Variants in AP2A1 observed in about 807,000 individuals in gnomAD.
AP2A1 encodes the protein AP-2 complex subunit alpha-1.
In AP2A1, 21 loss-of-function variants were observed where a neutral mutation model predicts 107.3. That is an observed-to-expected ratio of 0.20 (90% confidence interval 0.14 to 0.28). The LOEUF (loss-of-function observed/expected upper bound fraction) is 0.28, where lower values mean the gene tolerates loss of function less well. AP2A1 is among the 10% of genes least tolerant of loss of function. AP2A1 has a pLI of 1.00. For missense variants in AP2A1, 873 were observed against 1,307.7 expected, an observed-to-expected ratio of 0.67 and a Z score of 5.13; for synonymous variants, 602 against 564.8, an observed-to-expected ratio of 1.07 and a Z score of -0.93.
rs2084692090 is a variant in AP2A1, at chr19:49,782,702, A to G, written c.451A>G (p.Ile151Val). ...REMGEAFAAD[I>V]PRILVAGDSM... ...GATGGGCGAGGCCTTTGCCGCTGAC[A>G]TCCCCCGCATCCTGGTGGCCGGGTA... The change falls in exon 4 of 23, where the codon ATC becomes GTC. Residue 151 changes from isoleucine (I) to valine (V), a missense_variant. Ile to Val is a conservative substitution (Grantham distance 29, BLOSUM62 3). Coordinates refer to ENST00000354293, the MANE Select transcript of AP2A1 (RefSeq NM_130787.3). 6.2e-7 allele frequency: 1 copy of G among 1,605,946 alleles called. No individual in the cohort carries two copies. Among genetic ancestry groups the G allele is most frequent in the African/African-American group, 1.3e-5 (1 of 74,708 alleles).
At chr19:49,773,023 A>G (rs1361367763) in intron 1 of AP2A1, among the ~76,000 whole-genome samples, 1 of 151,934 alleles carries the variant, frequency 6.6e-6, no homozygotes, top group Non-Finnish European at 1.5e-5. Flanking sequence ...CAGGGCTCAG[A>G]GAGCAGCAGA....
chr19:49,802,650 T>A, intron 15 of AP2A1: 1 of 1,476,396 alleles, frequency 6.8e-7, no homozygotes, highest in Non-Finnish European at 9.0e-7. Flanking sequence ...GACTCGGGTG[T>A]CCCCAGGGAG....
chr19:49,774,010 T>C (rs945709942), intron 1 of AP2A1, among the ~76,000 whole-genome samples: 3 of 68,586 alleles, frequency 4.4e-5, no homozygotes, highest in African/African-American at 6.6e-5. Flanking sequence ...ACTTCGAACT[T>C]GCTGGGAGCC....
At chr19:49,802,828 G>A in intron 15 of AP2A1, 121 bp from the exon 16 acceptor site, 12 of 1,228,060 alleles carry the variant, frequency 9.8e-6, no homozygotes, top group Non-Finnish European at 1.2e-6. Context: ...GGCTCTGTGA[G>A]GGGTCTGGAT....
chr19:49,794,838 T>C (rs1360877137), intron 6 of AP2A1, among the ~76,000 whole-genome samples: 1 of 152,162 alleles, frequency 6.6e-6, no homozygotes, highest in African/African-American at 2.4e-5. Context: ...AATTTTTGTA[T>C]TTTTAGTAGA....
chr19:49,803,725 G>A, intron 18 of AP2A1: 1 of 380,130 alleles, frequency 2.6e-6, no homozygotes. Context: ...TGCGGGTCCA[G>A]ACGCTGATCA....
rs1279149402 is a variant in AP2A1 at position 49,801,585 on chromosome 19, C to T, written c.1749C>T (p.Tyr583=). 8 of 1,613,202 alleles carry T rather than the reference C, an allele frequency of 5.0e-6. No individual in the cohort carries two copies. The highest frequency in any genetic ancestry group is 1.7e-5 in the Admixed American group (1 of 59,948). The change falls in exon 13 of 23, where the codon TAC becomes TAT. Residue 583 remains tyrosine, a synonymous_variant. Transcript: ENST00000354293. ...DVELQQRAVE[Y]LTLSSVASTD... ...AGCTGCAGCAGCGAGCCGTGGAGTA[C>T]CTCACCCTCAGCTCAGTGGCCAGCA...
intron 1 of AP2A1, among the ~76,000 whole-genome samples, chr19:49,773,779 A>T (rs1170605672): frequency 6.6e-6 from 1 of 151,978 alleles, no homozygotes; most frequent in Non-Finnish European, 1.5e-5. Context: ...GCATTGGAGC[A>T]GAGAATCTAA....
intron 1 of AP2A1, among the ~76,000 whole-genome samples, chr19:49,774,565 T>C (rs2084597999): frequency 6.6e-6 from 1 of 152,188 alleles, no homozygotes; most frequent in South Asian, 2.1e-4. Flanking sequence ...TTTTTCTTTT[T>C]TTGAGACGGA....
At chr19:49,777,049 T>C (rs1282762012) in intron 1 of AP2A1, among the ~76,000 whole-genome samples, 4 of 147,314 alleles carry the variant, frequency 2.7e-5, no homozygotes, top group Non-Finnish European at 4.5e-5. Flanking sequence ...GTCAACATGG[T>C]GAAACCCTGT....
At position 49,787,295 on chromosome 19, in the gene AP2A1, T is replaced by TC. The variant is rs1318901985; in HGVS notation, c.473+4571_473+4572insC. 4.0e-5 allele frequency among the ~76,000 whole-genome samples: 6 copies of TC among 150,562 alleles called. No homozygotes were observed. The East Asian group carries it at 1.2e-3, about 30-fold the overall frequency. ...GCCTCAGCCTCCCAAAGTGTTGGGA[T>TC]TACAGGTGTGAGCCACCACTCCCAT... On this transcript the variant is annotated intron_variant, in intron 4 of 22. Coordinates refer to ENST00000354293, the MANE Select transcript of AP2A1 (RefSeq NM_130787.3).
rs373510390 is a variant in AP2A1 at position 49,802,577 on chromosome 19, G to A, written c.2115-372G>A. 33 of 1,603,704 alleles carry A rather than the reference G, an allele frequency of 2.1e-5. No individual in the cohort carries two copies. In the African/African-American group the frequency reaches 3.5e-4, roughly 17 times the overall value. ...CCCCGAGAGCCCCATGGCTTTGCTG[G>A]CTGACCCAGCTCCAGCTGCTGAGTA... On this transcript the variant is annotated intron_variant, in intron 15 of 22. Transcript: ENST00000354293.
Position 49,806,211 on chromosome 19 carries a change from G to A in AP2A1, c.2748G>A (p.Gln916=). The A allele has an allele frequency of 1.2e-6, 2 of 1,606,002 alleles. No homozygotes were observed. Among genetic ancestry groups the A allele is most frequent in the Non-Finnish European group, 1.7e-6 (2 of 1,176,652 alleles). The change falls in exon 22 of 23, where the codon CAG becomes CAA. Residue 916 remains glutamine, a synonymous_variant. Coordinates refer to ENST00000354293, the MANE Select transcript of AP2A1 (RefSeq NM_130787.3). ...GAGIIQTKAL[Q]VGCLLRLEPN... Reference sequence around the variant, plus strand: ...GGATCATCCAGACTAAAGCCCTGCAGGTGGGCTGTCTGCTTCGGCTGGAGC... The same window carrying A: ...GGATCATCCAGACTAAAGCCCTGCAAGTGGGCTGTCTGCTTCGGCTGGAGC...
At chr19:49,801,913 G>A (rs201864876) in intron 14 of AP2A1, 24 bp downstream of exon 14, 824 of 1,461,470 alleles carry the variant, frequency 5.6e-4, no homozygotes, top group Non-Finnish European at 7.2e-4. Context: ...GGTGGGCCCT[G>A]CCAGGGTGCC....
At chr19:49,795,582 G>GGCCCCCCCCC in intron 6 of AP2A1, 48 bp from the exon 7 acceptor site, 15 of 692,042 alleles carry the variant, frequency 2.2e-5, no homozygotes, top group Non-Finnish European at 3.5e-5. Context: ...GGACCCACGT[G>GGCCCCCCCCC]CCCCTCCCAC....
intron 8 of AP2A1, 123 bp downstream of exon 8, chr19:49,799,075 G>A: frequency 1.3e-5 from 18 of 1,368,284 alleles, no homozygotes; most frequent in Non-Finnish European, 1.8e-5. Context: ...GTAGGAGGAG[G>A]ATGGGGCTGT....
intron 6 of AP2A1, 51 bp from the exon 7 acceptor site, chr19:49,795,579 C>T (rs988964313): frequency 4.3e-6 from 4 of 920,130 alleles, no homozygotes; most frequent in Admixed American, 2.0e-5. Context: ...TGTGGACCCA[C>T]GTGCCCCTCC....
intron 7 of AP2A1, chr19:49,796,589 C>CTGCATGCG (rs1168548685): frequency 2.6e-5 from 4 of 152,332 alleles, no homozygotes; most frequent in South Asian, 2.1e-4. Flanking sequence ...GTGTGCATGC[C>CTGCATGCG]TGCATGCGTG....
At chr19:49,780,601 A>T (rs2123686631) in intron 1 of AP2A1, among the ~76,000 whole-genome samples, 1 of 152,270 alleles carries the variant, frequency 6.6e-6, no homozygotes, top group Non-Finnish European at 1.5e-5. Flanking sequence ...ATATGGAAAC[A>T]CGAGGGAGGC....
Sources: gnomAD v4.1 joint callset for allele counts (sites outside exome capture counted in the v4.1 genomes callset) on GRCh38, gnomAD v4.1.1 for gene constraint, MANE v1.5 for transcripts, NCBI Gene and HGNC (gene_info 2026-07-23, HGNC 2026-07-21) for gene names.